Variants in PLPPR1 observed in about 807,000 individuals in gnomAD.
The protein encoded by PLPPR1 is phospholipid phosphatase related 1, also known as phospholipid phosphatase-related protein type 1.
A neutral mutation model predicts 33.1 loss-of-function variants in PLPPR1; 10 were observed. The observed-to-expected ratio is 0.30, with a 90% CI of 0.19 to 0.51. The LOEUF is 0.51. Among genes scored for constraint, PLPPR1 ranks in the 20% least tolerant of loss-of-function variants. PLPPR1 has a pLI of 0.97. For missense variants in PLPPR1, 304 were observed against 408.1 expected (o/e 0.74, Z 2.20); for synonymous variants, 151 against 151.0 (o/e 1.00, Z 0.00).
intron 1 of PLPPR1, among the ~76,000 whole-genome samples, chr9:101,029,981 T>C (rs1829923726): frequency 6.6e-6 from 1 of 152,058 alleles, no homozygotes; most frequent in Non-Finnish European, 1.5e-5. Context: ...TATTTTTCTT[T>C]GTGGGGATGT....
chr9:101,170,152 C>G (rs947401579), intron 1 of PLPPR1, among the ~76,000 whole-genome samples: 2 of 151,950 alleles, frequency 1.3e-5, no homozygotes, highest in Admixed American at 6.6e-5. Context: ...CTGTGCTGAC[C>G]AAGACAAACA....
intron 2 of PLPPR1, among the ~76,000 whole-genome samples, chr9:101,220,304 G>T (rs1236961273): frequency 6.6e-6 from 1 of 152,096 alleles, no homozygotes; most frequent in Non-Finnish European, 1.5e-5. Context: ...AATTGAGCAC[G>T]GTGGTTTACA....
chr9:101,318,037 C>G (rs1935240), intron 7 of PLPPR1, among the ~76,000 whole-genome samples: 40,371 of 151,930 alleles, frequency 0.27, 5,623 homozygotes, highest in African/African-American at 0.34. Flanking sequence ...CCTCAAATAA[C>G]TCATAGATAA....
At chr9:101,272,511 T>C (rs1371078831) in intron 3 of PLPPR1, among the ~76,000 whole-genome samples, 1 of 152,160 alleles carries the variant, frequency 6.6e-6, no homozygotes. Flanking sequence ...TAGATTTGCC[T>C]ACCTAAGAAT....
chr9:101,167,613 C>T (rs1209747220), intron 1 of PLPPR1, among the ~76,000 whole-genome samples: 1 of 152,008 alleles, frequency 6.6e-6, no homozygotes, highest in Non-Finnish European at 1.5e-5. Flanking sequence ...GTGCAGACAT[C>T]AAAGGGCAAT....
chr9:101,264,580 C>T (rs922605160), intron 2 of PLPPR1, among the ~76,000 whole-genome samples: 1 of 152,208 alleles, frequency 6.6e-6, no homozygotes, highest in Non-Finnish European at 1.5e-5. Context: ...TTACAAATTA[C>T]ATGGGGTTGG....
intron 1 of PLPPR1, among the ~76,000 whole-genome samples, chr9:101,133,966 G>A (rs746603707): frequency 9.9e-5 from 15 of 152,140 alleles, no homozygotes; most frequent in Non-Finnish European, 2.1e-4. Context: ...TTGGGTAGTC[G>A]TGAGAATTAA....
chr9:101,307,143 G>A (rs2118951152), intron 4 of PLPPR1, among the ~76,000 whole-genome samples: 1 of 152,312 alleles, frequency 6.6e-6, no homozygotes, highest in Non-Finnish European at 1.5e-5. Flanking sequence ...ACAATCCACA[G>A]AAGGCAGAGA....
chr9:101,311,912 A>G (rs185062596), intron 5 of PLPPR1, among the ~76,000 whole-genome samples: 4 of 152,320 alleles, frequency 2.6e-5, no homozygotes, highest in African/African-American at 9.6e-5. Flanking sequence ...GTTAGCTAAA[A>G]AAGTGTACTT....
intron 1 of PLPPR1, among the ~76,000 whole-genome samples, chr9:101,093,961 C>A (rs991339426): frequency 1.3e-5 from 2 of 152,162 alleles, no homozygotes; most frequent in Admixed American, 1.3e-4. Flanking sequence ...ATGTGATCAT[C>A]AAATCCCATA....
At chr9:101,164,832 G>T (rs1445986120) in intron 1 of PLPPR1, among the ~76,000 whole-genome samples, 1 of 152,174 alleles carries the variant, frequency 6.6e-6, no homozygotes, top group African/African-American at 2.4e-5. Flanking sequence ...ACAAGAACCA[G>T]GTGAACCAGG....
intron 1 of PLPPR1, among the ~76,000 whole-genome samples, chr9:101,148,421 C>T (rs1831546487): frequency 6.6e-6 from 1 of 152,086 alleles, no homozygotes; most frequent in Non-Finnish European, 1.5e-5. Flanking sequence ...GTAGATCCTC[C>T]ACCACTTTTC....
intron 1 of PLPPR1, among the ~76,000 whole-genome samples, chr9:101,113,123 G>T (rs748597428): frequency 6.6e-6 from 1 of 152,080 alleles, no homozygotes; most frequent in Admixed American, 6.6e-5. Context: ...AAGTTCAGGA[G>T]GTCATAGAAT....
At chr9:101,170,861 A>T (rs185315313) in intron 1 of PLPPR1, among the ~76,000 whole-genome samples, 1 of 152,216 alleles carries the variant, frequency 6.6e-6, no homozygotes, top group Non-Finnish European at 1.5e-5. Context: ...GATGACTTGA[A>T]CCAGGAAGGT....
intron 2 of PLPPR1, among the ~76,000 whole-genome samples, chr9:101,234,167 T>C (rs1035644587): frequency 4.0e-5 from 6 of 151,862 alleles, no homozygotes; most frequent in Admixed American, 6.6e-5. Flanking sequence ...TCATTCAAGT[T>C]CTTATCCTTT....
At chr9:101,321,915 C>G (rs865967607) in intron 7 of PLPPR1, among the ~76,000 whole-genome samples, 1 of 148,058 alleles carries the variant, frequency 6.8e-6, no homozygotes, top group South Asian at 2.1e-4. Context: ...TGTATATATA[C>G]TTATATATGT....
At chr9:101,214,160 G>A (rs2987742) in intron 2 of PLPPR1, among the ~76,000 whole-genome samples, 109,253 of 152,168 alleles carry the variant, frequency 0.72, 39,801 homozygotes, top group East Asian at 0.99. Context: ...CTGAAGGACT[G>A]AGGATTAGGT....
In PLPPR1 at chr9:101,036,769, A is replaced by C. The variant is rs374404989; in HGVS notation, c.-46+7667A>C. 4.6e-5 allele frequency among the ~76,000 whole-genome samples: 7 copies of C among 152,160 alleles called. No individual in the cohort carries two copies. In the East Asian group the frequency reaches 9.7e-4, roughly 21 times the overall value. Reference sequence around the variant, plus strand: ...AAGAAGCATGAATGAAAAGGATAAAAAGAAATAGATGAAAGACATTTTCAG... The same window carrying C: ...AAGAAGCATGAATGAAAAGGATAAACAGAAATAGATGAAAGACATTTTCAG... On this transcript the variant is annotated intron_variant, in intron 1 of 7. Coordinates refer to ENST00000374874, the MANE Select transcript of PLPPR1 (RefSeq NM_207299.2).
chr9:101,052,480 TG>T (rs1403776898), intron 1 of PLPPR1, among the ~76,000 whole-genome samples: 1 of 152,114 alleles, frequency 6.6e-6, no homozygotes, highest in Non-Finnish European at 1.5e-5. Context: ...TAATCAATAG[TG>T]GAATGGCTGA....
Sources: allele counts gnomAD v4.1 joint callset (sites outside exome capture counted in the v4.1 genomes callset), GRCh38; gene constraint gnomAD v4.1.1; transcripts MANE v1.5; gene names NCBI Gene and HGNC (gene_info 2026-07-23, HGNC 2026-07-21).